XPNPEP3: variants seen among roughly 807,000 people sequenced by gnomAD.
XPNPEP3 encodes X-prolyl aminopeptidase 3, also known as xaa-Pro aminopeptidase 3.
In XPNPEP3, 41 loss-of-function variants were observed where a neutral mutation model predicts 60.0. The ratio of observed to expected loss-of-function variants is 0.68; its 90% CI spans 0.53 to 0.89. The LOEUF is 0.89. XPNPEP3 is among the 40% of genes least tolerant of loss of function. The pLI is 0.00. For synonymous variants in XPNPEP3, 212 were observed against 223.2 expected (o/e 0.95, Z 0.45); for missense variants, 598 against 638.9 (o/e 0.94, Z 0.69).
intron 1 of XPNPEP3, among the ~76,000 whole-genome samples, chr22:40,865,325 C>CTT (rs11365518): frequency 1.8e-5 from 2 of 112,634 alleles, no homozygotes; most frequent in Non-Finnish European, 1.8e-5. Context: ...GCCCTCCTCA[C>CTT]TTTTTTTTTT....
chr22:40,924,456 C>T lies in XPNPEP3; in HGVS notation c.1331C>T (p.Pro444Leu), dbSNP rs752800860. Residue 444 changes from proline (P) to leucine (L), a missense_variant, in exon 9 of 10, where the codon CCT (proline) becomes CTT (leucine). Physicochemically the swap from Pro to Leu is moderately conservative, Grantham distance 98 (BLOSUM62 -3). Coordinates refer to ENST00000357137, the MANE Select transcript of XPNPEP3 (RefSeq NM_022098.4). Reference sequence around the variant, plus strand: ...ATGCCCCGTTCCCTCCCTCTGCAGCCTGGGATGGTAATCACAATTGAGCCC... The same window carrying T: ...ATGCCCCGTTCCCTCCCTCTGCAGCTTGGGATGGTAATCACAATTGAGCCC... ...PDMPRSLPLQ[P>L]GMVITIEPGI... 2 of 1,614,050 alleles carry T rather than the reference C, an allele frequency of 1.2e-6. No individual in the cohort carries two copies. The highest frequency in any genetic ancestry group is 1.7e-6 in the Non-Finnish European group (2 of 1,180,026).
intron 4 of XPNPEP3, among the ~76,000 whole-genome samples, chr22:40,894,165 C>T (rs1044345659): frequency 2.0e-5 from 3 of 152,136 alleles, no homozygotes; most frequent in African/African-American, 7.2e-5. Context: ...GTAGCCACTG[C>T]ACTCACAGGC....
At chr22:40,870,101 T>C in intron 2 of XPNPEP3, 1 of 470,832 alleles carries the variant, frequency 2.1e-6, no homozygotes, top group Non-Finnish European at 4.4e-6. Context: ...AGCTCACCAC[T>C]GAAACCCACA....
chr22:40,862,019 G>A, intron 1 of XPNPEP3: 6 of 1,559,304 alleles, frequency 3.8e-6, no homozygotes, highest in Non-Finnish European at 4.3e-6. Flanking sequence ...TTGGAAGTGG[G>A]TGTGCTGGGT....
intron 2 of XPNPEP3, among the ~76,000 whole-genome samples, chr22:40,870,829 A>T (rs1418585203): frequency 6.6e-6 from 1 of 151,906 alleles, no homozygotes; most frequent in Non-Finnish European, 1.5e-5. Flanking sequence ...GACCAGCCTA[A>T]CCAATATGGT....
intron 2 of XPNPEP3, among the ~76,000 whole-genome samples, chr22:40,875,230 C>T (rs2058023188): frequency 6.6e-6 from 1 of 152,100 alleles, no homozygotes. Context: ...GGCTAAACTG[C>T]AGCGGCATGA....
chr22:40,924,607 T>C, intron 9 of XPNPEP3, 125 bp downstream of exon 9: 4 of 1,380,402 alleles, frequency 2.9e-6, no homozygotes, highest in Non-Finnish European at 4.0e-6. Context: ...CACTGCAACC[T>C]CCGCCCCCCA....
chr22:40,921,247 G>A (rs1008296611), intron 7 of XPNPEP3, among the ~76,000 whole-genome samples: 1 of 152,070 alleles, frequency 6.6e-6, no homozygotes, highest in Non-Finnish European at 1.5e-5. Context: ...GGCAAAACAG[G>A]GTTAACCTTC....
At chr22:40,909,259 A>G (rs1326908438) in intron 6 of XPNPEP3, 24 bp downstream of exon 6, 2 of 1,582,966 alleles carry the variant, frequency 1.3e-6, no homozygotes, top group South Asian at 1.1e-5. Flanking sequence ...CCTCAGTGCT[A>G]CTCCCACTAG....
Position 40,881,886 on chromosome 22 carries a change from C to T in XPNPEP3, c.298C>T (p.Leu100Phe), listed in dbSNP as rs1258118312. ...QSGTDQTVVVLSNPTYYMSND... is the reference protein window; with the variant it reads ...QSGTDQTVVVFSNPTYYMSND... ...TGGGACAGACCAGACAGTGGTTGTG[C>T]TCTCCAACCCTACATACTACATGAG... The change falls in exon 3 of 10, where the codon CTC becomes TTC. Residue 100 changes from leucine to phenylalanine, a missense_variant. Transcript: ENST00000357137. 5.0e-6 allele frequency: 8 copies of T among 1,614,038 alleles called. No individual in the cohort carries two copies. Among genetic ancestry groups the T allele is most frequent in the South Asian group, 1.1e-5 (1 of 91,088 alleles).
At chr22:40,868,935 T>C in intron 1 of XPNPEP3, 64 bp from the exon 2 acceptor site, 1 of 1,295,262 alleles carries the variant, frequency 7.7e-7, no homozygotes, top group Non-Finnish European at 1.1e-6. Flanking sequence ...GAGATAAGTG[T>C]ATTTATACCA....
At chr22:40,908,165 G>T (rs1403543917) in intron 5 of XPNPEP3, among the ~76,000 whole-genome samples, 2 of 151,580 alleles carry the variant, frequency 1.3e-5, no homozygotes, top group African/African-American at 4.9e-5. Context: ...AGTGAGCCAA[G>T]ATCATGCCAC....
At chr22:40,917,628 A>C (rs1476990725) in intron 7 of XPNPEP3, 2 of 151,904 alleles carry the variant, frequency 1.3e-5, no homozygotes, top group East Asian at 3.9e-4. Flanking sequence ...ATTATGGTTC[A>C]TCCTGTAATC....
intron 5 of XPNPEP3, 149 bp from the exon 6 acceptor site, chr22:40,908,973 G>A (rs761971936): frequency 1.6e-5 from 11 of 700,986 alleles, no homozygotes; most frequent in Non-Finnish European, 2.6e-5. Context: ...TGAAATTACA[G>A]CATAAAAGGT....
rs776514602 is a variant in XPNPEP3, at chr22:40,861,689, A to G, written c.64+4444A>G. 4 of 1,614,026 alleles carry G rather than the reference A, an allele frequency of 2.5e-6. No individual in the cohort carries two copies. In the African/African-American group the frequency reaches 4.0e-5, roughly 16 times the overall value. ...AGTGAAAAGAAAATGGATCCCTTTC[A>G]TGAAAAATTTCTTTAAAAACATCAT... On this transcript the variant is annotated intron_variant, in intron 1 of 9. Transcript: ENST00000357137.
rs543931721 is a variant in XPNPEP3 at position 40,897,747 on chromosome 22, C to T, written c.793-9840C>T. ...TTTTCTACATTCTTGCCAATCGATA[C>T]TTGTTATTTTCTGCCTTTTGAGTAC... On this transcript the variant is annotated intron_variant, in intron 4 of 9. Coordinates refer to ENST00000357137, the MANE Select transcript of XPNPEP3 (RefSeq NM_022098.4). 2.6e-5 allele frequency among the ~76,000 whole-genome samples: 4 copies of T among 152,264 alleles called. No individual in the cohort carries two copies. The South Asian group carries it at 8.3e-4, about 32-fold the overall frequency.
At chr22:40,886,602 G>C in intron 4 of XPNPEP3, 87 bp downstream of exon 4, 3 of 1,229,092 alleles carry the variant, frequency 2.4e-6, no homozygotes, top group Middle Eastern at 2.7e-4. Context: ...GAGGCAGGTG[G>C]ATCATGAGGT....
chr22:40,919,272 A>G (rs888008620), intron 7 of XPNPEP3, among the ~76,000 whole-genome samples: 5 of 152,172 alleles, frequency 3.3e-5, no homozygotes, highest in African/African-American at 1.2e-4. Context: ...CATTGTAAAA[A>G]GGCCAGGTGC....
chr22:40,863,016 C>A (rs1479198043), intron 1 of XPNPEP3, among the ~76,000 whole-genome samples: 1 of 152,212 alleles, frequency 6.6e-6, no homozygotes, highest in Admixed American at 6.5e-5. Context: ...GACATTATTG[C>A]TGAGACCTAT....
Sources: allele counts gnomAD v4.1 joint callset (sites outside exome capture counted in the v4.1 genomes callset), GRCh38; gene constraint gnomAD v4.1.1; transcripts MANE v1.5; gene names NCBI Gene and HGNC (gene_info 2026-07-23, HGNC 2026-07-21).